TTC27: variants seen among roughly 807,000 people sequenced by gnomAD.
The protein encoded by TTC27 is tetratricopeptide repeat protein 27.
A neutral mutation model predicts 115.9 loss-of-function variants in TTC27; 79 were observed. The ratio of observed to expected loss-of-function variants is 0.68; its 90% CI spans 0.57 to 0.82. The LOEUF (loss-of-function observed/expected upper bound fraction) is 0.82, where lower values mean the gene tolerates loss of function less well. TTC27 is among the 40% of genes least tolerant of loss of function. The probability of loss-of-function intolerance (pLI) is 0.00; values close to 1 mark genes in which losing one functional copy is unlikely to be tolerated. For synonymous variants in TTC27, 401 were observed against 356.0 expected, an observed-to-expected ratio of 1.13 and a Z score of -1.42; for missense variants, 1,054 against 993.1, an observed-to-expected ratio of 1.06 and a Z score of -0.82.
rs536004036 is a variant in TTC27 at position 32,722,269 on chromosome 2, CTG to C, written c.1234-11557_1234-11556del. 6.4e-4 allele frequency among the ~76,000 whole-genome samples: 98 copies of C among 152,260 alleles called. No homozygotes were observed. In the South Asian group the frequency reaches 7.7e-3, roughly 12 times the overall value. On this transcript the variant is annotated intron_variant, in intron 10 of 19. Transcript: ENST00000317907. ...TGAACATGTGTCTTTCATTCTAGCT[CTG>C]TATTTCATCTGCATTAATAACTGTG... is the stretch of plus-strand genomic sequence containing the variant.
chr2:32,705,513 G>A (rs1240683664), intron 10 of TTC27, among the ~76,000 whole-genome samples: 4 of 148,996 alleles, frequency 2.7e-5, no homozygotes, highest in East Asian at 2.0e-4. Flanking sequence ...CTATACTAAC[G>A]AGGAGGTTTT....
intron 10 of TTC27, among the ~76,000 whole-genome samples, chr2:32,719,262 G>A (rs1295900782): frequency 6.6e-6 from 1 of 152,152 alleles, no homozygotes; most frequent in Non-Finnish European, 1.5e-5. Flanking sequence ...GTGCACTCAG[G>A]GAGGCTGTAA....
Position 32,820,989 on chromosome 2 carries a change from A to G in TTC27, c.*51A>G. Reference sequence around the variant, plus strand: ...AGGTGCTTTCACCTGCTGGTAAAAGATACATCTGTATATCTGAAATGCAAG... The same window carrying G: ...AGGTGCTTTCACCTGCTGGTAAAAGGTACATCTGTATATCTGAAATGCAAG... On this transcript the variant is annotated 3_prime_UTR_variant, in exon 20 of 20. Transcript: ENST00000317907. The G allele has an allele frequency of 2.2e-6, 3 of 1,386,762 alleles. No individual in the cohort carries two copies. The highest frequency in any genetic ancestry group is 2.8e-6 in the Non-Finnish European group (3 of 1,052,736). 85.9% of individuals were successfully genotyped at this position (1,386,762 alleles called of 1,614,324 possible). A position where few individuals can be genotyped will look rare whatever the true frequency, so the allele number is the denominator to read the frequency against.
intron 9 of TTC27, among the ~76,000 whole-genome samples, chr2:32,682,844 G>GTTTTTTTTTTT (rs142030247): frequency 0.015 from 867 of 56,898 alleles, 230 homozygotes; most frequent in Non-Finnish European, 0.018. Flanking sequence ...AATTTTTATT[G>GTTTTTTTTTTT]TTGTTTTTTT....
At chr2:32,745,791 G>C (rs1406325618) in intron 12 of TTC27, among the ~76,000 whole-genome samples, 1 of 152,150 alleles carries the variant, frequency 6.6e-6, no homozygotes, top group Non-Finnish European at 1.5e-5. Flanking sequence ...GTCTCATGTT[G>C]GTGTCCTAAC....
intron 8 of TTC27, among the ~76,000 whole-genome samples, chr2:32,674,099 CA>C (rs1406724623): frequency 2.0e-5 from 3 of 151,668 alleles, no homozygotes; most frequent in African/African-American, 7.3e-5. Context: ...ATATTGATAC[CA>C]GTTAAATTAG....
intron 1 of TTC27, among the ~76,000 whole-genome samples, chr2:32,629,066 A>C (rs2063537211): frequency 6.9e-6 from 1 of 145,668 alleles, no homozygotes; most frequent in Non-Finnish European, 1.5e-5. Context: ...GGGTCTGGTT[A>C]AGTAATTTAT....
intron 10 of TTC27, among the ~76,000 whole-genome samples, chr2:32,715,754 A>G (rs191875402): frequency 6.6e-6 from 1 of 152,258 alleles, no homozygotes; most frequent in Admixed American, 6.5e-5. Context: ...GGCATGTCAT[A>G]ATGAAACCCT....
intron 10 of TTC27, among the ~76,000 whole-genome samples, chr2:32,729,262 G>A (rs1399890345): frequency 6.6e-6 from 1 of 152,188 alleles, no homozygotes; most frequent in Non-Finnish European, 1.5e-5. Flanking sequence ...AATCATACCA[G>A]ACATTTTTCA....
chr2:32,796,008 A>G (rs895328765), intron 16 of TTC27, among the ~76,000 whole-genome samples: 2 of 152,192 alleles, frequency 1.3e-5, no homozygotes, highest in African/African-American at 4.8e-5. Flanking sequence ...CAAATTGGTA[A>G]GAAATAAAAT....
rs1202489511 is a variant in TTC27, at chr2:32,628,074, A to G, written c.-219A>G. On this transcript the variant is annotated 5_prime_UTR_variant, in exon 1 of 20. Transcript: ENST00000317907. ...TCTTCTCCTAGGCGGAAGCCAGACC[A>G]GAGAGCGTGCGTGTTTTTCCCAGGG... The G allele has an allele frequency of 3.7e-6, 2 of 543,038 alleles. No individual in the cohort carries two copies. The highest frequency in any genetic ancestry group is 2.0e-5 in the African/African-American group (1 of 50,366). The allele number at this position is 543,038 out of a possible 1,614,324, so 33.6% of individuals were successfully genotyped here. A position where few individuals can be genotyped will look rare whatever the true frequency, so the allele number is the denominator to read the frequency against.
intron 10 of TTC27, among the ~76,000 whole-genome samples, chr2:32,716,118 G>A (rs3754833): frequency 0.85 from 128,755 of 152,162 alleles, 54,588 homozygotes; most frequent in Middle Eastern, 0.93. Context: ...CTATGCGTAA[G>A]CATAAATATA....
chr2:32,726,078 C>T (rs539688727), intron 10 of TTC27, among the ~76,000 whole-genome samples: 68 of 152,248 alleles, frequency 4.5e-4, no homozygotes, highest in African/African-American at 1.4e-3. Flanking sequence ...ACCCTGGGCC[C>T]GGCCCACAAA....
intron 3 of TTC27, among the ~76,000 whole-genome samples, chr2:32,638,993 C>T (rs1372401909): frequency 3.9e-5 from 6 of 152,184 alleles, no homozygotes; most frequent in African/African-American, 7.2e-5. Context: ...CCACCACGCC[C>T]GGCTAATTTT....
At chr2:32,634,767 C>T (rs977427740) in intron 3 of TTC27, among the ~76,000 whole-genome samples, 3 of 152,090 alleles carry the variant, frequency 2.0e-5, no homozygotes, top group African/African-American at 2.4e-5. Context: ...AGCAATTCTT[C>T]TGCTTCAGCC....
At chr2:32,732,487 G>A (rs1344957907) in intron 10 of TTC27, among the ~76,000 whole-genome samples, 1 of 152,194 alleles carries the variant, frequency 6.6e-6, no homozygotes, top group Admixed American at 6.5e-5. Flanking sequence ...TTTAGGAGAA[G>A]CCTCCCTGCT....
intron 12 of TTC27, among the ~76,000 whole-genome samples, chr2:32,753,677 C>G (rs1669098176): frequency 6.6e-6 from 1 of 151,992 alleles, no homozygotes; most frequent in South Asian, 2.1e-4. Context: ...AAACTCCTGG[C>G]CTCAAGTGAT....
intron 9 of TTC27, among the ~76,000 whole-genome samples, chr2:32,698,809 T>C (rs137952680): frequency 1.3e-5 from 2 of 152,264 alleles, no homozygotes; most frequent in East Asian, 3.9e-4. Flanking sequence ...AGAAAAAATA[T>C]TTTAAGTAGT....
At chr2:32,807,760 T>C (rs1377338882) in intron 16 of TTC27, among the ~76,000 whole-genome samples, 3 of 152,150 alleles carry the variant, frequency 2.0e-5, no homozygotes, top group Admixed American at 6.5e-5. Context: ...TTCTGGATTA[T>C]GGTCACTCAC....
Sources: allele counts gnomAD v4.1 joint callset (sites outside exome capture counted in the v4.1 genomes callset), GRCh38; gene constraint gnomAD v4.1.1; transcripts MANE v1.5; gene names NCBI Gene and HGNC (gene_info 2026-07-23, HGNC 2026-07-21).